Variants in DNAAF10 observed in about 807,000 individuals in gnomAD.
DNAAF10 encodes the protein dynein axonemal assembly factor 10.
Under a neutral mutation model 43.7 loss-of-function variants are expected in DNAAF10, and 28 were observed. That is an observed-to-expected ratio of 0.64 (90% CI 0.48 to 0.88). The LOEUF (loss-of-function observed/expected upper bound fraction) is 0.88. Ranked by LOEUF, DNAAF10 falls within the 40% of genes least tolerant of loss-of-function variation. The pLI is 0.00. For missense variants in DNAAF10, 403 were observed against 439.1 expected (o/e 0.92, Z 0.73); for synonymous variants, 156 against 157.3 (o/e 0.99, Z 0.06).
chr2:68,155,384 C>A (rs1008000336), intron 1 of DNAAF10, among the ~76,000 whole-genome samples: 32 of 151,574 alleles, frequency 2.1e-4, no homozygotes, highest in African/African-American at 7.5e-4. Flanking sequence ...ATTCCAGCTA[C>A]TAGGGAGGCT....
At chr2:68,134,907 A>C (rs748357780) in intron 6 of DNAAF10, 108 bp from the exon 7 acceptor site, 48 of 1,251,148 alleles carry the variant, frequency 3.8e-5, no homozygotes, top group Non-Finnish European at 5.2e-5. Context: ...TGGTTATAAA[A>C]GTAATTAAGG....
chr2:68,157,241 A>T lies in DNAAF10; in HGVS notation c.183+20T>A. 6.2e-7 allele frequency: 1 copy of T among 1,603,648 alleles called. No individual in the cohort carries two copies. Among genetic ancestry groups the T allele is most frequent in the Non-Finnish European group, 8.5e-7 (1 of 1,174,832 alleles). On this transcript the variant is annotated intron_variant, in intron 1 of 7. Transcript: ENST00000295121. ...GCACTCGCCCCCAACGGCAGTCCGGATCCTCGACCCGGCACCCACCTCCCG... is the reference window on the plus strand; with the variant it reads ...GCACTCGCCCCCAACGGCAGTCCGGTTCCTCGACCCGGCACCCACCTCCCG...
chr2:68,148,452 ACAT>A (rs1673377642), intron 1 of DNAAF10, among the ~76,000 whole-genome samples: 1 of 152,150 alleles, frequency 6.6e-6, no homozygotes. Flanking sequence ...TCCAAAATAT[ACAT>A]ATTCGTTATA....
chr2:68,134,744 AAG>A lies in DNAAF10; in HGVS notation c.822_823del (p.Phe275SerfsTer15), dbSNP rs756108179. On this transcript the variant is annotated frameshift_variant, in exon 7 of 8. Transcript: ENST00000295121. LOFTEE classifies it high-confidence loss of function. ...GCCGCCGGCGCCTCCAGCTGTCAGA[AAG>A]AGCTCCCTGTTCTGCGGCAGGTGTC... 5.0e-6 allele frequency: 8 copies of A among 1,609,298 alleles called. No homozygotes were observed. The South Asian group carries it at 8.9e-5, about 18-fold the overall frequency.
chr2:68,138,810 T>C lies in DNAAF10; in HGVS notation c.565A>G (p.Asn189Asp). The change falls in exon 5 of 8, where the codon AAT becomes GAT. Residue 189 changes from asparagine (N) to aspartate (D), a missense_variant. Physicochemically the swap from Asn to Asp is conservative, Grantham distance 23. Transcript: ENST00000295121. Reference protein sequence around the residue: ...EERVVCAGYDNGDIKLFDLRN... With the variant: ...EERVVCAGYDDGDIKLFDLRN... Reference sequence around the variant, plus strand: ...AGATCAAATAGTTTGATATCCCCATTGTCATAGCCAGCACAAACAACACGT... The same window carrying C: ...AGATCAAATAGTTTGATATCCCCATCGTCATAGCCAGCACAAACAACACGT... 6.2e-7 allele frequency: 1 copy of C among 1,614,164 alleles called. No homozygotes were observed. The highest frequency in any genetic ancestry group is 8.5e-7 in the Non-Finnish European group (1 of 1,180,030).
At chr2:68,133,038 T>C (rs1041047360) in intron 7 of DNAAF10, among the ~76,000 whole-genome samples, 12 of 152,220 alleles carry the variant, frequency 7.9e-5, no homozygotes, top group African/African-American at 2.9e-4. Context: ...TGCCACCACA[T>C]GGCTTCACTA....
At chr2:68,134,263 G>T (rs1260466894) in intron 7 of DNAAF10, 8 of 1,005,598 alleles carry the variant, frequency 8.0e-6, no homozygotes, top group Non-Finnish European at 9.5e-6. Context: ...ACCCTGCCTA[G>T]ATATGCAGAA....
At chr2:68,146,069 C>T (rs1673310734) in intron 2 of DNAAF10, among the ~76,000 whole-genome samples, 1 of 152,086 alleles carries the variant, frequency 6.6e-6, no homozygotes, top group Non-Finnish European at 1.5e-5. Context: ...CGAGACTAGC[C>T]TGGCCAACAT....
chr2:68,147,579 G>A lies in DNAAF10; in HGVS notation c.184-12C>T. On this transcript the variant is annotated splice_polypyrimidine_tract_variant and intron_variant, in intron 1 of 7. Coordinates refer to ENST00000295121, the MANE Select transcript of DNAAF10 (RefSeq NM_138458.4). ...TTGGCCTTTTCAATCTTCATAGAAG[G>A]GAGGAAGAGAGGATATATTATTTAT... is the stretch of plus-strand genomic sequence containing the variant. 1.3e-6 allele frequency: 2 copies of A among 1,580,652 alleles called. No homozygotes were observed. Among genetic ancestry groups the A allele is most frequent in the South Asian group, 1.1e-5 (1 of 88,144 alleles).
intron 1 of DNAAF10, among the ~76,000 whole-genome samples, chr2:68,151,628 T>C (rs1414912166): frequency 6.6e-5 from 10 of 152,164 alleles, no homozygotes; most frequent in Admixed American, 5.2e-4. Flanking sequence ...TAAATGACCA[T>C]CCATGAATCT....
At chr2:68,138,709 A>G in intron 5 of DNAAF10, 33 bp downstream of exon 5, 1 of 1,505,272 alleles carries the variant, frequency 6.6e-7, no homozygotes, top group South Asian at 1.1e-5. Context: ...AAACATGCTC[A>G]GAGAAACCAA....
chr2:68,134,276 C>A (rs1256951006), intron 7 of DNAAF10: 3 of 1,006,676 alleles, frequency 3.0e-6, no homozygotes, highest in Non-Finnish European at 3.6e-6. Context: ...ATGCAGAAAG[C>A]AAATTCAGTG....
chr2:68,143,146 G>A (rs907751205), intron 3 of DNAAF10, among the ~76,000 whole-genome samples: 5 of 151,712 alleles, frequency 3.3e-5, no homozygotes, highest in Non-Finnish European at 5.9e-5. Flanking sequence ...ACAGAGATGA[G>A]CCACTGCACC....
At chr2:68,147,335 TCATATTTTTATAGTTAA>T in intron 2 of DNAAF10, 115 bp downstream of exon 2, 2 of 632,532 alleles carry the variant, frequency 3.2e-6, no homozygotes, top group Non-Finnish European at 5.3e-6. Context: ...GAGACAATTC[TCATATTTTTATAGTTAA>T]AATGGAACAT....
intron 3 of DNAAF10, among the ~76,000 whole-genome samples, chr2:68,143,462 G>A (rs753447550): frequency 4.7e-4 from 71 of 152,234 alleles, no homozygotes; most frequent in Non-Finnish European, 7.5e-4. Context: ...GATTATAGGC[G>A]TGACTGTACC....
intron 1 of DNAAF10, among the ~76,000 whole-genome samples, chr2:68,148,542 C>G (rs1673379583): frequency 6.6e-6 from 1 of 152,112 alleles, no homozygotes; most frequent in Admixed American, 6.6e-5. Flanking sequence ...ATGGCCCCTC[C>G]CGCCGCCAAC....
intron 2 of DNAAF10, among the ~76,000 whole-genome samples, chr2:68,146,956 A>G (rs1673331995): frequency 6.6e-6 from 1 of 152,190 alleles, no homozygotes; most frequent in Non-Finnish European, 1.5e-5. Flanking sequence ...AACACGAAAA[A>G]GGCATTTGGC....
Position 68,137,346 on chromosome 2 carries a change from T to C in DNAAF10, c.721A>G (p.Met241Val), listed in dbSNP as rs13009282. 387,526 of 1,612,774 alleles carry C rather than the reference T, an allele frequency of 0.24. 48,241 individuals are homozygous for C. Among genetic ancestry groups the C allele is most frequent in the Non-Finnish European group, 0.26 (308,228 of 1,179,294 alleles). Reference protein sequence around the residue: ...SLEGKFHVFDMRTQHPTKGFA... With the variant: ...SLEGKFHVFDVRTQHPTKGFA... ...CCTTTGGTTGGATGCTGTGTTCTCATGTCAAAAACATGGAACTTTCCTTCC... is the reference window on the plus strand; with the variant it reads ...CCTTTGGTTGGATGCTGTGTTCTCACGTCAAAAACATGGAACTTTCCTTCC... Residue 241 changes from methionine (M) to valine (V), a missense_variant, in exon 6 of 8, where the codon ATG becomes GTG. By Grantham distance (21) the Met-to-Val change is conservative. Transcript: ENST00000295121.
intron 1 of DNAAF10, among the ~76,000 whole-genome samples, chr2:68,155,855 G>C (rs371580782): frequency 6.6e-6 from 1 of 152,056 alleles, no homozygotes; most frequent in African/African-American, 2.4e-5. Flanking sequence ...CCAGTATTAC[G>C]GGAGGCCGAT....
Sources: gnomAD v4.1 joint callset for allele counts (sites outside exome capture counted in the v4.1 genomes callset) on GRCh38, gnomAD v4.1.1 for gene constraint, MANE v1.5 for transcripts, NCBI Gene and HGNC (gene_info 2026-07-23, HGNC 2026-07-21) for gene names.